The following CEP85L variants were observed in gnomAD, a reference collection of about 807,000 sequenced individuals.
CEP85L encodes centrosomal protein 85L, also known as centrosomal protein of 85 kDa-like.
CEP85L carries 60 observed loss-of-function variants against 100.3 expected under a neutral mutation model. The observed-to-expected ratio is 0.60, with a 90% CI of 0.49 to 0.74. CEP85L has a LOEUF of 0.74. Ranked by LOEUF, CEP85L falls within the 30% of genes least tolerant of loss-of-function variation. The pLI is 0.00. For synonymous variants in CEP85L, 319 were observed against 322.7 expected, an observed-to-expected ratio of 0.99 and a Z score of 0.12; for missense variants, 973 against 936.2, an observed-to-expected ratio of 1.04 and a Z score of -0.51.
chr6:118,481,751 T>C (rs540772909), intron 8 of CEP85L, 28 bp downstream of exon 8: 18 of 1,345,416 alleles, frequency 1.3e-5, no homozygotes, highest in Admixed American at 2.4e-5. Flanking sequence ...AATAAAATAA[T>C]GTAGAAGGAT....
chr6:118,530,136 T>C (rs138262280), intron 3 of CEP85L, among the ~76,000 whole-genome samples: 22 of 151,958 alleles, frequency 1.4e-4, no homozygotes, highest in Non-Finnish European at 2.5e-4. Flanking sequence ...TAATAGCATA[T>C]CTCATATGAG....
In CEP85L at chr6:118,651,549, C is replaced by G. The variant is rs1385817229; in HGVS notation, c.-280G>C. 2.4e-6 allele frequency: 3 copies of G among 1,237,352 alleles called. No individual in the cohort carries two copies. The African/African-American group carries it at 4.7e-5, about 19-fold the overall frequency. 76.6% of individuals were successfully genotyped at this position (1,237,352 alleles called of 1,614,324 possible). A position where few individuals can be genotyped will look rare whatever the true frequency, so the allele number is the denominator to read the frequency against. Reference sequence around the variant, plus strand: ...CGGCTGCTAGATCCCCGGCTGAGCCCAGGCTCAAAGGCTCCAGGCGAAGTT... The same window carrying G: ...CGGCTGCTAGATCCCCGGCTGAGCCGAGGCTCAAAGGCTCCAGGCGAAGTT... On this transcript the variant is annotated 5_prime_UTR_variant, in exon 1 of 13. Transcript: ENST00000368491.
At chr6:118,558,574 C>A (rs148557744) in intron 3 of CEP85L, among the ~76,000 whole-genome samples, 1 of 149,938 alleles carries the variant, frequency 6.7e-6, no homozygotes, top group African/African-American at 2.4e-5. Flanking sequence ...TCATGGTGTG[C>A]CCCATCAAAA....
At chr6:118,601,028 A>G (rs1439223366) in intron 2 of CEP85L, among the ~76,000 whole-genome samples, 1 of 152,194 alleles carries the variant, frequency 6.6e-6, no homozygotes, top group East Asian at 1.9e-4. Flanking sequence ...TGTTGCAGTG[A>G]ATATTCTTAT....
Position 118,481,850 on chromosome 6 carries a change from C to G in CEP85L, c.1674G>C (p.Gln558His), listed in dbSNP as rs776537403. The change falls in exon 8 of 13, where the codon CAG (glutamine) becomes CAC (histidine). Residue 558 changes from glutamine (Q) to histidine (H), a missense_variant. Transcript: ENST00000368491. ...TTAACTGTGTCTCTTTATCTTGACA[C>G]TGCTTTTTGATCTCTTCAAGTTTTT... ...TEKKLEEIKKQCQDKETQLIC... is the reference protein window; with the variant it reads ...TEKKLEEIKKHCQDKETQLIC... 1 of 1,596,332 alleles carries G rather than the reference C, an allele frequency of 6.3e-7. No individual in the cohort carries two copies. The highest frequency in any genetic ancestry group is 8.5e-7 in the Non-Finnish European group (1 of 1,169,620).
chr6:118,617,394 TC>T (rs1298701396), intron 2 of CEP85L, among the ~76,000 whole-genome samples: 1 of 152,202 alleles, frequency 6.6e-6, no homozygotes, highest in Non-Finnish European at 1.5e-5. Context: ...TTATCTATCC[TC>T]CCAATTCCTT....
chr6:118,546,756 T>C (rs375472336), intron 3 of CEP85L, among the ~76,000 whole-genome samples: 8 of 152,106 alleles, frequency 5.3e-5, no homozygotes, highest in African/African-American at 9.7e-5. Context: ...TCAATCATCA[T>C]TGGTAACTGA....
chr6:118,650,570 T>C (rs1775482611), intron 1 of CEP85L, among the ~76,000 whole-genome samples: 1 of 152,194 alleles, frequency 6.6e-6, no homozygotes, highest in African/African-American at 2.4e-5. Context: ...CGCCCTCCTC[T>C]TACGCCGCAG....
At chr6:118,652,878 A>G (rs1775645121), upstream of CEP85L, 11 of 696,384 alleles carry the variant, frequency 1.6e-5, no homozygotes, top group South Asian at 2.1e-4. Flanking sequence ...TTTAATGTGC[A>G]CTAGCTCGTT....
intron 2 of CEP85L, among the ~76,000 whole-genome samples, chr6:118,585,933 T>A (rs1393963068): frequency 1.3e-5 from 2 of 152,166 alleles, no homozygotes; most frequent in Non-Finnish European, 2.9e-5. Context: ...ACTAACTGGG[T>A]AGAAGCATTT....
chr6:118,501,032 CCTTT>C (rs753406153), intron 5 of CEP85L, among the ~76,000 whole-genome samples: 20 of 152,254 alleles, frequency 1.3e-4, no homozygotes, highest in Admixed American at 5.2e-4. Context: ...TGGCTTCTCT[CCTTT>C]CTTTCTCTTT....
At chr6:118,563,327 G>A (rs1054056791) in intron 3 of CEP85L, among the ~76,000 whole-genome samples, 1 of 152,154 alleles carries the variant, frequency 6.6e-6, no homozygotes, top group Non-Finnish European at 1.5e-5. Context: ...CCTAGGAAGA[G>A]CAAACCTTCA....
intron 3 of CEP85L, among the ~76,000 whole-genome samples, chr6:118,552,250 A>G (rs1778590371): frequency 6.6e-6 from 1 of 152,092 alleles, no homozygotes. Context: ...AAACATAAAG[A>G]ATCCCAGGAA....
chr6:118,642,834 T>A (rs1583214370), intron 1 of CEP85L, among the ~76,000 whole-genome samples: 3 of 151,660 alleles, frequency 2.0e-5, no homozygotes, highest in Admixed American at 2.0e-4. Context: ...GAGGTTGCAG[T>A]GAGCCGAGAT....
chr6:118,635,438 C>T (rs555426191), intron 1 of CEP85L, among the ~76,000 whole-genome samples: 39 of 152,102 alleles, frequency 2.6e-4, no homozygotes, highest in African/African-American at 9.2e-4. Context: ...TATCTAAATG[C>T]TAACACTGAC....
intron 3 of CEP85L, among the ~76,000 whole-genome samples, chr6:118,534,943 C>A (rs1393259728): frequency 1.3e-5 from 2 of 152,102 alleles, no homozygotes; most frequent in Non-Finnish European, 2.9e-5. Context: ...TGGCTTGAAC[C>A]TGGGAGGCAG....
At chr6:118,646,001 G>A (rs938394128) in intron 1 of CEP85L, among the ~76,000 whole-genome samples, 1 of 151,960 alleles carries the variant, frequency 6.6e-6, no homozygotes, top group Non-Finnish European at 1.5e-5. Flanking sequence ...GGCAGATCAC[G>A]AGGTCAGGAA....
chr6:118,627,653 T>TGTG (rs1160750850), intron 2 of CEP85L, among the ~76,000 whole-genome samples: 3 of 152,172 alleles, frequency 2.0e-5, no homozygotes, highest in Non-Finnish European at 2.9e-5. Flanking sequence ...CTACCAGACT[T>TGTG]TTACGAGTTT....
chr6:118,492,630 T>C (rs1582904332), intron 5 of CEP85L, among the ~76,000 whole-genome samples: 1 of 152,200 alleles, frequency 6.6e-6, no homozygotes, highest in Middle Eastern at 3.4e-3. Flanking sequence ...TAAAAAGATA[T>C]CAACAAAGTA....
Sources: gnomAD v4.1 joint callset for allele counts (sites outside exome capture counted in the v4.1 genomes callset) on GRCh38, gnomAD v4.1.1 for gene constraint, MANE v1.5 for transcripts, NCBI Gene and HGNC (gene_info 2026-07-23, HGNC 2026-07-21) for gene names.